HARBI1: variants seen among roughly 807,000 people sequenced by gnomAD.
HARBI1 encodes putative nuclease HARBI1.
HARBI1 carries 15 observed loss-of-function variants against 25.3 expected under a neutral mutation model. That is an observed-to-expected ratio of 0.59 (90% CI 0.40 to 0.91). The LOEUF is 0.91. Among genes scored for constraint, HARBI1 ranks in the 40% least tolerant of loss-of-function variants. The probability of loss-of-function intolerance (pLI) is 0.00; values close to 1 mark genes in which losing one functional copy is unlikely to be tolerated. For synonymous variants in HARBI1, 168 were observed against 160.5 expected, an observed-to-expected ratio of 1.05 and a Z score of -0.35; for missense variants, 396 against 445.8, an observed-to-expected ratio of 0.89 and a Z score of 1.01.
intron 2 of HARBI1, among the ~76,000 whole-genome samples, chr11:46,613,538 A>G (rs2045265653): frequency 7.3e-6 from 1 of 137,180 alleles, no homozygotes; most frequent in African/African-American, 2.8e-5. Flanking sequence ...GCTGGAGTGC[A>G]GTGGCACGAT....
chr11:46,617,105 G>T lies in HARBI1; in HGVS notation c.-145+19C>A, dbSNP rs907980449. On this transcript the variant is annotated intron_variant, in intron 1 of 2. Transcript: ENST00000326737. Reference sequence around the variant, plus strand: ...TCTGATTGCGCCGGCCACTCAGTTAGCCCAGGCCCGTCACCCACCTCTCCG... The same window carrying T: ...TCTGATTGCGCCGGCCACTCAGTTATCCCAGGCCCGTCACCCACCTCTCCG... The T allele has an allele frequency of 4.8e-6, 3 of 622,590 alleles. No individual in the cohort carries two copies. The highest frequency in any genetic ancestry group is 4.0e-5 in the African/African-American group (2 of 49,994). 38.6% of individuals were successfully genotyped at this position (622,590 alleles called of 1,614,324 possible).
rs542270082 is a variant in HARBI1 at position 46,603,309 on chromosome 11, T to C, written c.*221A>G. 3 of 469,828 alleles carry C rather than the reference T, an allele frequency of 6.4e-6. No individual in the cohort carries two copies. Among genetic ancestry groups the C allele is most frequent in the East Asian group, 3.6e-5 (1 of 28,164 alleles). The allele number at this position is 469,828 out of a possible 1,614,324, so 29.1% of individuals were successfully genotyped here. ...ACTCAACCTAGAGTTCACTGGATAGTAGGGAGCCGCTGTCTTGGTTTCAGT... is the reference window on the plus strand; with the variant it reads ...ACTCAACCTAGAGTTCACTGGATAGCAGGGAGCCGCTGTCTTGGTTTCAGT... On this transcript the variant is annotated 3_prime_UTR_variant, in exon 3 of 3. Transcript: ENST00000326737.
At chr11:46,605,291 G>A (rs2044895365) in intron 2 of HARBI1, among the ~76,000 whole-genome samples, 1 of 152,088 alleles carries the variant, frequency 6.6e-6, no homozygotes, top group Admixed American at 6.6e-5. Flanking sequence ...ACAGTTCGCT[G>A]CAGCCTCAAC....
chr11:46,616,563 T>C (rs2045493554), intron 1 of HARBI1, 182 bp from the exon 2 acceptor site: 33 of 1,074,402 alleles, frequency 3.1e-5, no homozygotes, highest in South Asian at 7.1e-5. Context: ...GATTCAAGGA[T>C]AATGGGAATT....
At position 46,608,234 on chromosome 11, in the gene HARBI1, G is replaced by A. The variant is rs77590881; in HGVS notation, c.671-4325C>T. On this transcript the variant is annotated intron_variant, in intron 2 of 2. Coordinates refer to ENST00000326737, the MANE Select transcript of HARBI1 (RefSeq NM_173811.4). The stretch of plus-strand genomic sequence containing the variant: ...AATTGCTTGAACCCAGGAGGCACAG[G>A]TTGCAGTGAGCTGAGATCGCCCCAT... Among the ~76,000 whole-genome samples, 61 of 152,266 alleles carry A rather than the reference G, an allele frequency of 4.0e-4. 1 individual carries two copies. In the East Asian group the frequency reaches 0.01, roughly 26 times the overall value.
intron 2 of HARBI1, 59 bp from the exon 3 acceptor site, chr11:46,603,968 G>T: frequency 1.3e-6 from 2 of 1,516,236 alleles, no homozygotes; most frequent in Non-Finnish European, 1.8e-6. Flanking sequence ...AACAGGAAGT[G>T]AAATTCAGAA....
rs2045465304 is a variant in HARBI1 at position 46,616,373 on chromosome 11, A to G, written c.-136T>C. 2 of 1,451,938 alleles carry G rather than the reference A, an allele frequency of 1.4e-6. No homozygotes were observed. The highest frequency in any genetic ancestry group is 3.0e-5 in the South Asian group (2 of 67,586). The allele number at this position is 1,451,938 out of a possible 1,614,324, so 89.9% of individuals were successfully genotyped here. ...CAGTTAAATGGCTCTGCCATTTATA[A>G]TCTTCTCTCTGTAAATGTTAAAAGA... On this transcript the variant is annotated 5_prime_UTR_variant, in exon 2 of 3. Transcript: ENST00000326737.
chr11:46,603,732 T>A lies in HARBI1; in HGVS notation c.848A>T (p.Tyr283Phe), dbSNP rs780093447. The change falls in exon 3 of 3, where the codon TAC becomes TTC. Residue 283 changes from tyrosine to phenylalanine, a missense_variant. Coordinates refer to ENST00000326737, the MANE Select transcript of HARBI1 (RefSeq NM_173811.4). The stretch of plus-strand genomic sequence containing the variant: ...GATATGGCTGGATTTCTCTGGTGAG[T>A]ACTGCAGTGCCCCCTTGGATCCATC... ...CLDGSKGALQ[Y>F]SPEKSSHIIL... 5 of 1,613,960 alleles carry A rather than the reference T, an allele frequency of 3.1e-6. No homozygotes were observed. The highest frequency in any genetic ancestry group is 3.4e-6 in the Non-Finnish European group (4 of 1,180,008).
At chr11:46,605,823 A>C (rs2044923180) in intron 2 of HARBI1, among the ~76,000 whole-genome samples, 1 of 151,108 alleles carries the variant, frequency 6.6e-6, no homozygotes, top group African/African-American at 2.4e-5. Flanking sequence ...TCCTGACTTC[A>C]TGATCCACCC....
intron 2 of HARBI1, among the ~76,000 whole-genome samples, chr11:46,609,908 A>G (rs2045107649): frequency 6.8e-6 from 1 of 146,774 alleles, no homozygotes; most frequent in Admixed American, 7.0e-5. Flanking sequence ...GCTAGAGTGC[A>G]ATGGTGCAAT....
intron 2 of HARBI1, among the ~76,000 whole-genome samples, chr11:46,607,881 G>A (rs1429278263): frequency 2.1e-5 from 3 of 145,884 alleles, no homozygotes; most frequent in Non-Finnish European, 4.5e-5. Context: ...AATGAGGACA[G>A]GAATGGATAA....
At chr11:46,607,737 G>T (rs192367365) in intron 2 of HARBI1, among the ~76,000 whole-genome samples, 258 of 152,174 alleles carry the variant, frequency 1.7e-3, no homozygotes, top group African/African-American at 5.9e-3. Flanking sequence ...AAGACATTTT[G>T]GCAGATCTTA....
chr11:46,607,231 C>T (rs2044990280), intron 2 of HARBI1, among the ~76,000 whole-genome samples: 1 of 141,616 alleles, frequency 7.1e-6, no homozygotes, highest in Non-Finnish European at 1.5e-5. Flanking sequence ...CACTGCACTC[C>T]AGCCAAGGCG....
chr11:46,615,919 C>T lies in HARBI1; in HGVS notation c.319G>A (p.Val107Ile). The change falls in exon 2 of 3, where the codon GTC (valine) becomes ATC (isoleucine). Residue 107 changes from valine to isoleucine, a missense_variant. Physicochemically the swap from Val to Ile is conservative, Grantham distance 29 (BLOSUM62 3). Transcript: ENST00000326737. Reference sequence around the variant, plus strand: ...GCCCTTTCCACAAGTGCTTCAGTGACATTGGCAACACAACGACTCATAGAC... The same window carrying T: ...GCCCTTTCCACAAGTGCTTCAGTGATATTGGCAACACAACGACTCATAGAC... ...QASMSRCVAN[V>I]TEALVERASQ... 6.2e-7 allele frequency: 1 copy of T among 1,614,190 alleles called. No homozygotes were observed.
chr11:46,616,979 C>A (rs574818805), intron 1 of HARBI1, 145 bp downstream of exon 1: 62 of 985,360 alleles, frequency 6.3e-5, no homozygotes, highest in Middle Eastern at 5.2e-4. Context: ...TACGGAAGAC[C>A]AGACACATTG....
At chr11:46,608,691 C>T (rs1316880646) in intron 2 of HARBI1, among the ~76,000 whole-genome samples, 1 of 151,762 alleles carries the variant, frequency 6.6e-6, no homozygotes, top group Non-Finnish European at 1.5e-5. Context: ...TCTTGGTTCA[C>T]TACAACCTCC....
At position 46,615,770 on chromosome 11, in the gene HARBI1, C is replaced by T; in HGVS notation, c.468G>A (p.Lys156=). 1 of 1,614,142 alleles carries T rather than the reference C, an allele frequency of 6.2e-7. No homozygotes were observed. The highest frequency in any genetic ancestry group is 8.5e-7 in the Non-Finnish European group (1 of 1,180,014). The part of the protein sequence containing the change: ...GVVDCIHVAI[K]APNAEDLSYV... ...AGGAGAGGTCTTCAGCATTTGGTGCCTTGATGGCCACATGGATACAGTCAA... is the reference window on the plus strand; with the variant it reads ...AGGAGAGGTCTTCAGCATTTGGTGCTTTGATGGCCACATGGATACAGTCAA... Residue 156 remains lysine (K), a synonymous_variant, in exon 2 of 3, where the codon AAG becomes AAA. Transcript: ENST00000326737.
chr11:46,614,531 C>A (rs1005824224), intron 2 of HARBI1, among the ~76,000 whole-genome samples: 4 of 151,960 alleles, frequency 2.6e-5, no homozygotes, highest in East Asian at 3.8e-4. Context: ...AGGCCAGGAG[C>A]TCAAGACTAG....
At position 46,615,933 on chromosome 11, in the gene HARBI1, C is replaced by T. The variant is rs1214631910; in HGVS notation, c.305G>A (p.Arg102His). 1.9e-6 allele frequency: 3 copies of T among 1,614,182 alleles called. No individual in the cohort carries two copies. The highest frequency in any genetic ancestry group is 2.5e-6 in the Non-Finnish European group (3 of 1,180,036). ...AIGISQASMS[R>H]CVANVTEALV... ...TGCTTCAGTGACATTGGCAACACAACGACTCATAGACGCCTGACTGATTCC... is the reference window on the plus strand; with the variant it reads ...TGCTTCAGTGACATTGGCAACACAATGACTCATAGACGCCTGACTGATTCC... Residue 102 changes from arginine to histidine, a missense_variant, in exon 2 of 3, where the codon CGT (arginine) becomes CAT (histidine). Arg to His is a conservative substitution (Grantham distance 29). Transcript: ENST00000326737.
Sources: allele counts gnomAD v4.1 joint callset (sites outside exome capture counted in the v4.1 genomes callset), GRCh38; gene constraint gnomAD v4.1.1; transcripts MANE v1.5; gene names NCBI Gene and HGNC (gene_info 2026-07-23, HGNC 2026-07-21).